Variants in FBXW7 observed in about 807,000 individuals in gnomAD.
FBXW7 encodes F-box/WD repeat-containing protein 7.
A neutral mutation model predicts 86.3 loss-of-function variants in FBXW7; 11 were observed. That is an observed-to-expected ratio of 0.13 (90% confidence interval 0.08 to 0.21). The LOEUF is 0.21. FBXW7 is among the 10% of genes least tolerant of loss of function. The probability of loss-of-function intolerance (pLI) is 1.00; values close to 1 mark genes in which losing one functional copy is unlikely to be tolerated. For missense variants in FBXW7, 488 were observed against 847.4 expected (o/e 0.58, Z 5.27); for synonymous variants, 313 against 297.9 (o/e 1.05, Z -0.52).
intron 4 of FBXW7, among the ~76,000 whole-genome samples, chr4:152,377,754 C>CAA (rs546746093): frequency 2.3e-4 from 16 of 68,582 alleles, no homozygotes; most frequent in African/African-American, 7.2e-4. Context: ...GAGTCTGTCT[C>CAA]AAAAAAAAAA....
chr4:152,504,547 T>C (rs1164328978), intron 2 of FBXW7, among the ~76,000 whole-genome samples: 1 of 152,170 alleles, frequency 6.6e-6, no homozygotes, highest in African/African-American at 2.4e-5. Flanking sequence ...TGCTTCAAAG[T>C]CTACTACATT....
At chr4:152,518,620 G>T (rs1349458184) in intron 2 of FBXW7, among the ~76,000 whole-genome samples, 1 of 152,108 alleles carries the variant, frequency 6.6e-6, no homozygotes, top group Non-Finnish European at 1.5e-5. Context: ...CTTAGTATTT[G>T]CATGTAACTT....
At chr4:152,492,137 T>G (rs540865710) in intron 2 of FBXW7, among the ~76,000 whole-genome samples, 15 of 152,316 alleles carry the variant, frequency 9.8e-5, no homozygotes, top group Non-Finnish European at 1.8e-4. Flanking sequence ...TTAATATAAA[T>G]GGAATAATAC....
At chr4:152,352,635 C>A (rs1731935127) in intron 4 of FBXW7, 2 of 1,613,646 alleles carry the variant, frequency 1.2e-6, no homozygotes, top group African/African-American at 1.3e-5. Context: ...TGCTCAGGCA[C>A]GTCAGAAAAG....
chr4:152,352,257 T>C (rs142911679), intron 4 of FBXW7, among the ~76,000 whole-genome samples: 2 of 152,286 alleles, frequency 1.3e-5, no homozygotes, highest in African/African-American at 4.8e-5. Context: ...ATTCTCAGAT[T>C]AAAATATACA....
intron 4 of FBXW7, among the ~76,000 whole-genome samples, chr4:152,365,068 G>A (rs982108642): frequency 2.6e-5 from 4 of 152,116 alleles, no homozygotes; most frequent in Non-Finnish European, 4.4e-5. Context: ...TGCAGTGTTC[G>A]AAGAGTGTTA....
At chr4:152,439,532 A>T (rs1415433645) in intron 2 of FBXW7, among the ~76,000 whole-genome samples, 1 of 152,096 alleles carries the variant, frequency 6.6e-6, no homozygotes, top group East Asian at 1.9e-4. Context: ...TTCTTCAGAG[A>T]CAACTATACT....
chr4:152,330,702 T>C (rs1312463796), intron 9 of FBXW7, 30 bp downstream of exon 9: 3 of 1,599,716 alleles, frequency 1.9e-6, no homozygotes, highest in Admixed American at 3.5e-5. Context: ...TGATTAACGG[T>C]TTCTGTTACA....
rs140532482 is a variant in FBXW7, at chr4:152,381,274, A to C, written c.501+30029T>G. Among the ~76,000 whole-genome samples the C allele has an allele frequency of 8.8e-3, 1,333 of 152,218 alleles. 17 individuals are homozygous for C. Among genetic ancestry groups the C allele is most frequent in the East Asian group, 0.043 (221 of 5,190 alleles). On this transcript the variant is annotated intron_variant, in intron 4 of 13. Transcript: ENST00000281708. ...GTTATGGATTATTCTATTTAATAGA[A>C]TATTTCCCCTTTAGCTAAAAGAAAA...
chr4:152,432,766 C>T (rs1330153026), intron 2 of FBXW7, among the ~76,000 whole-genome samples: 3 of 152,110 alleles, frequency 2.0e-5, no homozygotes, highest in African/African-American at 4.8e-5. Flanking sequence ...GAGACGAGAT[C>T]GCGACACTGC....
Position 152,328,619 on chromosome 4 carries a change from C to T in FBXW7, c.1237-230G>A, listed in dbSNP as rs1021669442. The T allele has an allele frequency of 4.9e-5, 16 of 328,830 alleles. No homozygotes were observed. In the East Asian group the frequency reaches 7.3e-4, roughly 15 times the overall value. The allele number at this position is 328,830 out of a possible 1,614,324, so 20.4% of individuals were successfully genotyped here. On this transcript the variant is annotated intron_variant, in intron 10 of 13. Transcript: ENST00000281708. ...AATTGTGTATGTAGTATGTAGAAAG[C>T]AAACATATGATATAAAACATGATAT... is the stretch of plus-strand genomic sequence containing the variant.
At chr4:152,365,848 G>A (rs1259838767) in intron 4 of FBXW7, among the ~76,000 whole-genome samples, 1 of 152,158 alleles carries the variant, frequency 6.6e-6, no homozygotes. Context: ...TACAGTGTGA[G>A]CACATTAAAT....
chr4:152,427,742 G>A (rs969640921), intron 2 of FBXW7, among the ~76,000 whole-genome samples: 1 of 152,292 alleles, frequency 6.6e-6, no homozygotes, highest in Admixed American at 6.5e-5. Context: ...AGTTCTATCT[G>A]TTGAGACTTA....
chr4:152,505,160 G>A (rs920227230), intron 2 of FBXW7, among the ~76,000 whole-genome samples: 2 of 152,052 alleles, frequency 1.3e-5, no homozygotes, highest in Admixed American at 6.6e-5. Context: ...TATATAAAAG[G>A]TATATTAAAA....
chr4:152,366,870 C>T (rs1459949404), intron 4 of FBXW7, among the ~76,000 whole-genome samples: 1 of 152,122 alleles, frequency 6.6e-6, no homozygotes, highest in Non-Finnish European at 1.5e-5. Context: ...AGACTTGCAA[C>T]CAACCCAAAT....
intron 2 of FBXW7, among the ~76,000 whole-genome samples, chr4:152,507,119 A>C (rs1379652279): frequency 6.6e-6 from 1 of 152,228 alleles, no homozygotes; most frequent in African/African-American, 2.4e-5. Flanking sequence ...TGCATGTATT[A>C]GAAATTAAAT....
At chr4:152,394,266 A>G (rs1736234301) in intron 4 of FBXW7, among the ~76,000 whole-genome samples, 1 of 152,122 alleles carries the variant, frequency 6.6e-6, no homozygotes, top group South Asian at 2.1e-4. Context: ...CTTCCCTTGC[A>G]TTTATTCCAG....
intron 2 of FBXW7, among the ~76,000 whole-genome samples, chr4:152,504,228 G>A (rs1747209223): frequency 6.6e-6 from 1 of 152,134 alleles, no homozygotes; most frequent in Middle Eastern, 3.4e-3. Flanking sequence ...CTGGAAGAAG[G>A]TATGCCAGAA....
chr4:152,361,857 T>C (rs1001776568), intron 4 of FBXW7, among the ~76,000 whole-genome samples: 3 of 150,872 alleles, frequency 2.0e-5, no homozygotes, highest in African/African-American at 7.3e-5. Flanking sequence ...TCCCAGCTAC[T>C]TGGGAGGCTA....
Sources: allele counts gnomAD v4.1 joint callset (sites outside exome capture counted in the v4.1 genomes callset), GRCh38; gene constraint gnomAD v4.1.1; transcripts MANE v1.5; gene names NCBI Gene and HGNC (gene_info 2026-07-23, HGNC 2026-07-21).